MATK: variants seen among roughly 807,000 people sequenced by gnomAD.
MATK encodes megakaryocyte-associated tyrosine kinase, also known as megakaryocyte-associated tyrosine-protein kinase.
A neutral mutation model predicts 59.8 loss-of-function variants in MATK; 41 were observed. That is an observed-to-expected ratio of 0.69 (90% CI 0.53 to 0.89). The LOEUF is 0.89. Among genes scored for constraint, MATK ranks in the 40% least tolerant of loss-of-function variants. The pLI is 0.00. For missense variants in MATK, 593 were observed against 719.6 expected (o/e 0.82, Z 2.01); for synonymous variants, 308 against 306.1 (o/e 1.01, Z -0.06).
At chr19:3,791,937 G>A (rs964548668) in intron 1 of MATK, among the ~76,000 whole-genome samples, 4 of 151,942 alleles carry the variant, frequency 2.6e-5, no homozygotes, top group African/African-American at 4.8e-5. Context: ...GCAAAACCCC[G>A]TCTCTACTAA....
In MATK at chr19:3,784,389, C is replaced by A; in HGVS notation, c.195G>T (p.Gly65=). Residue 65 remains glycine (G), a synonymous_variant, in exon 4 of 14, where the codon GGG becomes GGT. Coordinates refer to ENST00000310132, the MANE Select transcript of MATK (RefSeq NM_139355.3). ...TKCEHTRPKP[G]ELAFRKGDVV... ...CGTCGCCCTTGCGGAAGGCCAGCTC[C>A]CCTGGCTTGGGGCGGGTGTGCTCGC... The A allele has an allele frequency of 6.2e-7, 1 of 1,609,420 alleles. No individual in the cohort carries two copies. The highest frequency in any genetic ancestry group is 1.3e-5 in the African/African-American group (1 of 75,030).
At chr19:3,791,645 C>T (rs1178390656) in intron 1 of MATK, among the ~76,000 whole-genome samples, 1 of 152,008 alleles carries the variant, frequency 6.6e-6, no homozygotes, top group African/African-American at 2.4e-5. Context: ...ACCCAGCCTC[C>T]ACCTCCTCCC....
rs1352166677 is a variant in MATK at position 3,786,328 on chromosome 19, G to C, written c.-311C>G. On this transcript the variant is annotated 5_prime_UTR_variant, in exon 1 of 14. Coordinates refer to ENST00000310132, the MANE Select transcript of MATK (RefSeq NM_139355.3). The surrounding 1 kb of genome is among the most constrained non-coding windows in gnomAD (Gnocchi z 4.1). ...AAGAAGGGTCGGGGAGTGGGGGAAAGCGGGAGGCGCCGCGGCCTGGGAGGC... is the reference window on the plus strand; with the variant it reads ...AAGAAGGGTCGGGGAGTGGGGGAAACCGGGAGGCGCCGCGGCCTGGGAGGC... 1.2e-5 allele frequency: 12 copies of C among 984,492 alleles called. No individual in the cohort carries two copies. The highest frequency in any genetic ancestry group is 1.3e-5 in the Non-Finnish European group (11 of 829,640). 61.0% of individuals were successfully genotyped at this position (984,492 alleles called of 1,614,324 possible).
rs747902835 is a variant in MATK, at chr19:3,779,135, C to T, written c.1054G>A (p.Asp352Asn). The T allele has an allele frequency of 3.7e-6, 6 of 1,608,584 alleles. No individual in the cohort carries two copies. Among genetic ancestry groups the T allele is most frequent in the Admixed American group, 1.7e-5 (1 of 59,698 alleles). Residue 352 changes from aspartate (D) to asparagine (N), a missense_variant, in exon 12 of 14, where the codon GAC becomes AAC. Asp to Asn is a conservative substitution (Grantham distance 23, BLOSUM62 1). Coordinates refer to ENST00000310132, the MANE Select transcript of MATK (RefSeq NM_139355.3). ...YLESKKLVHR[D>N]LAARNILVSE... Reference sequence around the variant, plus strand: ...ACCAGGATGTTGCGGGCGGCCAGGTCGCGGTGCACAAGCTTCTTGCTCTCC... The same window carrying T: ...ACCAGGATGTTGCGGGCGGCCAGGTTGCGGTGCACAAGCTTCTTGCTCTCC...
At chr19:3,783,290 G>A (rs750557526) in intron 6 of MATK, 71 bp from the exon 7 acceptor site, 2 of 986,920 alleles carry the variant, frequency 2.0e-6, no homozygotes, top group Non-Finnish European at 3.2e-6. Context: ...TCCGTTCCCG[G>A]GTGGCCTCTG....
chr19:3,792,093 T>G (rs1599206300), intron 1 of MATK, among the ~76,000 whole-genome samples: 1 of 130,810 alleles, frequency 7.6e-6, no homozygotes, highest in African/African-American at 3.0e-5. Context: ...GGCAACAGAG[T>G]GAGACTCCAT....
At chr19:3,800,010 C>T (rs1269468562) in intron 1 of MATK, among the ~76,000 whole-genome samples, 1 of 144,904 alleles carries the variant, frequency 6.9e-6, no homozygotes, top group South Asian at 2.2e-4. Flanking sequence ...GGTGTGGTTG[C>T]AGGCGCCTGT....
rs78331730 is a variant in MATK, at chr19:3,794,156, C to T, written c.-57-4752G>A. Among the ~76,000 whole-genome samples the T allele has an allele frequency of 2.5e-3, 379 of 152,298 alleles. 2 individuals are homozygous for T. Among genetic ancestry groups the T allele is most frequent in the Non-Finnish European group, 3.7e-3 (250 of 68,028 alleles). On this transcript the variant is annotated intron_variant, in intron 1 of 13. Coordinates refer to the MATK transcript ENST00000395045. The stretch of plus-strand genomic sequence containing the variant: ...TCCCTGGCCACCCCACAGTGGTCAC[C>T]CTTAGTTACTCTCTATTGTCAAAGC...
At position 3,778,069 on chromosome 19, in the gene MATK, G is replaced by T; in HGVS notation, c.*114C>A. 7.1e-7 allele frequency: 1 copy of T among 1,417,934 alleles called. No individual in the cohort carries two copies. Among genetic ancestry groups the T allele is most frequent in the Non-Finnish European group, 9.3e-7 (1 of 1,080,378 alleles). 87.8% of individuals were successfully genotyped at this position (1,417,934 alleles called of 1,614,324 possible). On this transcript the variant is annotated 3_prime_UTR_variant, in exon 14 of 14. Transcript: ENST00000310132. Reference sequence around the variant, plus strand: ...CCCTACGTGGGCCAGCCCCTGCTGTGGGCACCAGGAGGATGACTTGCCCGC... The same window carrying T: ...CCCTACGTGGGCCAGCCCCTGCTGTTGGCACCAGGAGGATGACTTGCCCGC...
upstream of MATK, chr19:3,789,496 C>T (rs1221606340): frequency 8.9e-6 from 5 of 559,790 alleles, no homozygotes; most frequent in African/African-American, 9.5e-5. Context: ...TAAGGGGAAC[C>T]AAGGTCTTGA....
At position 3,783,909 on chromosome 19, in the gene MATK, C is replaced by T; in HGVS notation, c.487G>A (p.Gly163Ser). 6.2e-7 allele frequency: 1 copy of T among 1,612,966 alleles called. No homozygotes were observed. Among genetic ancestry groups the T allele is most frequent in the Middle Eastern group, 1.7e-4 (1 of 6,058 alleles). Residue 163 changes from glycine to serine, a missense_variant, in exon 6 of 14, where the codon GGC becomes AGC. Transcript: ENST00000310132. ...PGDYVLCVSFGRDVIHYRVLH... is the reference protein window; with the variant it reads ...PGDYVLCVSFSRDVIHYRVLH... ...ACGCGGTAGTGGATGACGTCGCGGC[C>T]AAAGCTCACGCACAGGACGTAGTCG...
rs2037484143 is a variant in MATK, at chr19:3,786,340, G to A, written c.-323C>T. On this transcript the variant is annotated 5_prime_UTR_variant, in exon 1 of 14. Transcript: ENST00000310132. The surrounding 1 kb of genome is among the most constrained non-coding windows in gnomAD (Gnocchi z 4.1). ...GGAGTGGGGGAAAGCGGGAGGCGCCGCGGCCTGGGAGGCCCCCGCGGGTCC... is the reference window on the plus strand; with the variant it reads ...GGAGTGGGGGAAAGCGGGAGGCGCCACGGCCTGGGAGGCCCCCGCGGGTCC... The A allele has an allele frequency of 1.0e-6, 1 of 984,086 alleles. No individual in the cohort carries two copies. The highest frequency in any genetic ancestry group is 1.2e-6 in the Non-Finnish European group (1 of 829,472). 61.0% of individuals were successfully genotyped at this position (984,086 alleles called of 1,614,324 possible).
chr19:3,795,421 T>C (rs901041985), intron 1 of MATK, among the ~76,000 whole-genome samples: 12 of 151,344 alleles, frequency 7.9e-5, no homozygotes, highest in African/African-American at 1.2e-4. Context: ...TACAGGCATG[T>C]GCCACCACAC....
At chr19:3,787,191 G>A (rs2037495562), upstream of MATK, among the ~76,000 whole-genome samples, 1 of 152,124 alleles carries the variant, frequency 6.6e-6, no homozygotes, top group East Asian at 1.9e-4. Context: ...GGAGTGCAGT[G>A]GCGTGATCAT....
intron 12 of MATK, 33 bp from the exon 13 acceptor site, chr19:3,778,628 C>A (rs1247014231): frequency 2.5e-6 from 4 of 1,580,900 alleles, no homozygotes; most frequent in Non-Finnish European, 2.6e-6. Context: ...GAGGAGGGAC[C>A]CCTCAGGTTT....
At chr19:3,793,037 C>T (rs1015051790) in intron 1 of MATK, 12 of 152,248 alleles carry the variant, frequency 7.9e-5, no homozygotes, top group African/African-American at 2.4e-4. Flanking sequence ...AGGGGAGGAA[C>T]GCTGGCTCTT....
At chr19:3,791,244 G>A (rs1568410206), upstream of MATK, among the ~76,000 whole-genome samples, 1 of 151,984 alleles carries the variant, frequency 6.6e-6, no homozygotes, top group African/African-American at 2.4e-5. Context: ...TTCTCTTTCC[G>A]AGAGTCCATA....
At chr19:3,796,166 T>C (rs527875366) in intron 1 of MATK, among the ~76,000 whole-genome samples, 1 of 152,292 alleles carries the variant, frequency 6.6e-6, no homozygotes, top group Non-Finnish European at 1.5e-5. Flanking sequence ...GCTCCTCAAC[T>C]CAGCAATGAG....
At position 3,784,850 on chromosome 19, in the gene MATK, G is replaced by T; in HGVS notation, c.107C>A (p.Pro36His). The change falls in exon 3 of 14, where the codon CCT (proline) becomes CAT (histidine). Residue 36 changes from proline (P) to histidine (H), a missense_variant. Physicochemically the swap from Pro to His is moderately conservative, Grantham distance 77 (BLOSUM62 -2). Coordinates refer to ENST00000310132, the MANE Select transcript of MATK (RefSeq NM_139355.3). ...SPRFLRAWHP[P>H]PVSARMPTRR... ...CGTTGGCATCCTGGCTGAGACGGGA[G>T]GGGGGTGCCAGGCTCGGAGGAAGCG... 1.3e-6 allele frequency: 2 copies of T among 1,550,342 alleles called. No homozygotes were observed. The highest frequency in any genetic ancestry group is 1.7e-6 in the Non-Finnish European group (2 of 1,145,296).
Sources: allele counts gnomAD v4.1 joint callset (sites outside exome capture counted in the v4.1 genomes callset), GRCh38; gene constraint gnomAD v4.1.1; non-coding constraint Gnocchi (gnomAD v3.1); transcripts MANE v1.5; gene names NCBI Gene and HGNC (gene_info 2026-07-23, HGNC 2026-07-21).